FOXP4: variants seen among roughly 807,000 people sequenced by gnomAD.
FOXP4 encodes forkhead box P4.
FOXP4 carries 25 observed loss-of-function variants against 82.6 expected under a neutral mutation model. The observed-to-expected ratio is 0.30, with a 90% confidence interval of 0.22 to 0.42. The LOEUF is 0.42. Among genes scored for constraint, FOXP4 ranks in the 10% least tolerant of loss-of-function variants. The pLI, the probability that FOXP4 is intolerant of heterozygous loss-of-function variation, is 1.00. For synonymous variants in FOXP4, 415 were observed against 388.2 expected, an observed-to-expected ratio of 1.07 and a Z score of -0.81; for missense variants, 785 against 900.9, an observed-to-expected ratio of 0.87 and a Z score of 1.65.
Position 41,598,905 on chromosome 6 carries a change from A to T in FOXP4, c.2012A>T (p.Glu671Val). ...GGGCCTCCGGAAGACAGGGACCTGG[A>T]GGAGGAGCTGCCGGGAGAAGAACTG... ...ASGPPEDRDLEEELPGEELS is the reference protein window; with the variant it reads ...ASGPPEDRDLVEELPGEELS Residue 671 changes from glutamate to valine, a missense_variant, in exon 17 of 17, where the codon GAG (glutamate) becomes GTG (valine). By Grantham distance (121) the Glu-to-Val change is moderately radical. Coordinates refer to ENST00000307972, the MANE Select transcript of FOXP4 (RefSeq NM_001012426.2). The T allele has an allele frequency of 6.2e-7, 1 of 1,608,136 alleles. No homozygotes were observed. Among genetic ancestry groups the T allele is most frequent in the Non-Finnish European group, 8.5e-7 (1 of 1,178,226 alleles).
At chr6:41,594,800 G>A (rs527861587) in intron 13 of FOXP4, 70 bp from the exon 14 acceptor site, 2 of 1,595,550 alleles carry the variant, frequency 1.3e-6, no homozygotes, top group South Asian at 1.1e-5. Flanking sequence ...ACATGGGATG[G>A]GATGAGGACT....
intron 2 of FOXP4, among the ~76,000 whole-genome samples, chr6:41,568,635 G>A (rs1042705972): frequency 6.6e-6 from 1 of 152,210 alleles, no homozygotes; most frequent in Non-Finnish European, 1.5e-5. Context: ...AACTCGATAG[G>A]AAGTGGGGTA....
intron 2 of FOXP4, among the ~76,000 whole-genome samples, chr6:41,577,534 C>T (rs574801108): frequency 2.0e-5 from 3 of 152,264 alleles, no homozygotes; most frequent in South Asian, 2.1e-4. Flanking sequence ...CTGGAGACTC[C>T]GTTTCCTCAT....
At chr6:41,573,824 C>T (rs1427299989) in intron 2 of FOXP4, among the ~76,000 whole-genome samples, 1 of 152,126 alleles carries the variant, frequency 6.6e-6, no homozygotes, top group Non-Finnish European at 1.5e-5. Context: ...GGAGCCAGAA[C>T]TTGGATCCAG....
intron 2 of FOXP4, among the ~76,000 whole-genome samples, chr6:41,566,663 G>C (rs1764898342): frequency 1.3e-5 from 2 of 152,192 alleles, no homozygotes; most frequent in Non-Finnish European, 2.9e-5. Context: ...CTCATGTCCT[G>C]GTCCCACCTG....
intron 1 of FOXP4, among the ~76,000 whole-genome samples, chr6:41,561,456 G>A (rs1764575255): frequency 6.6e-6 from 1 of 152,204 alleles, no homozygotes; most frequent in Admixed American, 6.5e-5. Context: ...GAGCACCCCA[G>A]TGACTTGCCC....
At chr6:41,567,451 CT>C in intron 2 of FOXP4, among the ~76,000 whole-genome samples, 1 of 152,342 alleles carries the variant, frequency 6.6e-6, no homozygotes, top group South Asian at 2.1e-4. Flanking sequence ...CCCACAGAGT[CT>C]GTGCCATTTG....
At position 41,599,704 on chromosome 6, in the gene FOXP4, C is replaced by A; in HGVS notation, c.*768C>A. ...CACCCACAGAGGTCTGTGCCAGGTGCGCTTCTGCAGGTGGAGCCAAGCTCT... is the reference window on the plus strand; with the variant it reads ...CACCCACAGAGGTCTGTGCCAGGTGAGCTTCTGCAGGTGGAGCCAAGCTCT... On this transcript the variant is annotated 3_prime_UTR_variant, in exon 17 of 17. Coordinates refer to ENST00000307972, the MANE Select transcript of FOXP4 (RefSeq NM_001012426.2). 6.6e-6 allele frequency: 1 copy of A among 152,522 alleles called. No individual in the cohort carries two copies. 9.4% of individuals were successfully genotyped at this position (152,522 alleles called of 1,614,324 possible).
chr6:41,567,502 C>G (rs1764949535), intron 2 of FOXP4, among the ~76,000 whole-genome samples: 1 of 152,184 alleles, frequency 6.6e-6, no homozygotes, highest in Non-Finnish European at 1.5e-5. Context: ...CTAACCTTTA[C>G]CAACATAATA....
intron 12 of FOXP4, among the ~76,000 whole-genome samples, chr6:41,590,824 T>C (rs1766471823): frequency 6.6e-6 from 1 of 152,224 alleles, no homozygotes; most frequent in Non-Finnish European, 1.5e-5. Flanking sequence ...ACACTGTGCT[T>C]AGGGTACCTT....
intron 1 of FOXP4, among the ~76,000 whole-genome samples, chr6:41,563,618 C>T (rs990753034): frequency 1.3e-5 from 2 of 152,144 alleles, no homozygotes; most frequent in Non-Finnish European, 2.9e-5. Context: ...TGGGCCAAGT[C>T]CTTGACCTCT....
intron 2 of FOXP4, among the ~76,000 whole-genome samples, chr6:41,568,537 A>G (rs987179782): frequency 6.6e-6 from 1 of 152,218 alleles, no homozygotes; most frequent in African/African-American, 2.4e-5. Context: ...AGTAAATTAG[A>G]GCATTTCATT....
At chr6:41,575,713 C>G (rs1489288569) in intron 2 of FOXP4, among the ~76,000 whole-genome samples, 1 of 150,924 alleles carries the variant, frequency 6.6e-6, no homozygotes, top group African/African-American at 2.4e-5. Flanking sequence ...CCACCCCACC[C>G]CAGGAGACTG....
At position 41,558,369 on chromosome 6, in the gene FOXP4, G is replaced by C. The variant is rs1014963533; in HGVS notation, c.-16-7376G>C. 2.0e-5 allele frequency among the ~76,000 whole-genome samples: 3 copies of C among 152,204 alleles called. No homozygotes were observed. Among genetic ancestry groups the C allele is most frequent in the Admixed American group, 6.5e-5 (1 of 15,284 alleles). ...AAGTGCTGAACCAAGGGCTGGGAGA[G>C]GGGGGTGGGATCAATTTTTAAACCA... is the stretch of plus-strand genomic sequence containing the variant. On this transcript the variant is annotated intron_variant, in intron 1 of 16. Transcript: ENST00000307972. This position sits in a 1 kb window ranked among gnomAD's most constrained non-coding sequence, Gnocchi z 4.0.
intron 2 of FOXP4, among the ~76,000 whole-genome samples, chr6:41,570,800 A>G (rs1258937209): frequency 6.6e-6 from 1 of 152,164 alleles, no homozygotes; most frequent in Non-Finnish European, 1.5e-5. Flanking sequence ...TATCTTGAGG[A>G]TTGAAGTGGG....
intron 2 of FOXP4, among the ~76,000 whole-genome samples, chr6:41,568,045 A>T (rs1467084359): frequency 6.6e-6 from 1 of 152,248 alleles, no homozygotes; most frequent in African/African-American, 2.4e-5. Context: ...ATTAAAATGA[A>T]ATAGTCCATG....
intron 8 of FOXP4, among the ~76,000 whole-genome samples, chr6:41,588,209 C>G (rs1297793668): frequency 6.6e-6 from 1 of 152,164 alleles, no homozygotes; most frequent in East Asian, 1.9e-4. Flanking sequence ...GCCTCAGCCC[C>G]GGGGAGTGAT....
chr6:41,595,080 G>A, intron 14 of FOXP4, 89 bp downstream of exon 14: 1 of 1,570,930 alleles, frequency 6.4e-7, no homozygotes, highest in Admixed American at 1.8e-5. Flanking sequence ...GGGTACACAT[G>A]TGCACCAGAT....
chr6:41,574,999 T>C (rs1294655234), intron 2 of FOXP4, among the ~76,000 whole-genome samples: 4 of 152,142 alleles, frequency 2.6e-5, no homozygotes, highest in African/African-American at 9.7e-5. Flanking sequence ...GATGGAGTCT[T>C]GCTCTGTTGC....
Sources: gnomAD v4.1 joint callset for allele counts (sites outside exome capture counted in the v4.1 genomes callset) on GRCh38, gnomAD v4.1.1 for gene constraint, Gnocchi (gnomAD v3.1) non-coding constraint, MANE v1.5 for transcripts, NCBI Gene and HGNC (gene_info 2026-07-23, HGNC 2026-07-21) for gene names.